DCDC1: variants seen among roughly 807,000 people sequenced by gnomAD.
The protein encoded by DCDC1 is doublecortin domain-containing protein 1.
A neutral mutation model predicts 178.3 loss-of-function variants in DCDC1; 200 were observed. That is an observed-to-expected ratio of 1.12 (90% CI 1.00 to 1.26). The LOEUF (loss-of-function observed/expected upper bound fraction) is 1.26. Ranked by LOEUF, DCDC1 falls within the 50% of genes most tolerant of loss-of-function variation. The pLI, the probability that DCDC1 is intolerant of heterozygous loss-of-function variation, is 0.00. For synonymous variants in DCDC1, 690 were observed against 604.8 expected (o/e 1.14, Z -2.07); for missense variants, 1,983 against 1,749.2 (o/e 1.13, Z -2.38).
At chr11:31,018,212 A>C (rs1002843322) in intron 20 of DCDC1, among the ~76,000 whole-genome samples, 1 of 152,222 alleles carries the variant, frequency 6.6e-6, no homozygotes, top group African/African-American at 2.4e-5. Flanking sequence ...ACAAATGTTT[A>C]ATGGCGTTTA....
chr11:30,884,823 C>T (rs1462542265), intron 36 of DCDC1, among the ~76,000 whole-genome samples: 2 of 151,878 alleles, frequency 1.3e-5, no homozygotes, highest in African/African-American at 4.8e-5. Context: ...AAGAATACCA[C>T]AGCCTAGTTG....
chr11:31,013,701 T>A (rs1390724557), intron 20 of DCDC1, among the ~76,000 whole-genome samples: 2 of 152,156 alleles, frequency 1.3e-5, no homozygotes, highest in Non-Finnish European at 2.9e-5. Context: ...CATAATAGAA[T>A]ATTTATTTAG....
intron 2 of DCDC1, among the ~76,000 whole-genome samples, chr11:31,334,887 A>C (rs1349886356): frequency 1.3e-5 from 2 of 152,110 alleles, no homozygotes; most frequent in Admixed American, 1.3e-4. Flanking sequence ...CAGTCTGTCC[A>C]TTCTCTGAGC....
chr11:30,922,598 A>T lies in DCDC1; in HGVS notation c.3038T>A (p.Leu1013Gln), dbSNP rs1946320473. 2 of 1,577,416 alleles carry T rather than the reference A, an allele frequency of 1.3e-6. No individual in the cohort carries two copies. Among genetic ancestry groups the T allele is most frequent in the South Asian group, 2.4e-5 (2 of 83,834 alleles). The part of the protein sequence containing the change: ...SCGELWINPD[L>Q]SIAQQKKQIF... Reference sequence around the variant, plus strand: ...TTGTTTCTTTTGCTGAGCAATGGACAGGTCAGGATTGATCCAGAGTTCTCC... The same window carrying T: ...TTGTTTCTTTTGCTGAGCAATGGACTGGTCAGGATTGATCCAGAGTTCTCC... The change falls in exon 24 of 39, where the codon CTG (leucine) becomes CAG (glutamine). Residue 1013 changes from leucine to glutamine, a missense_variant. Leu to Gln is a moderately radical substitution (Grantham distance 113). Coordinates refer to ENST00000684477, the MANE Select transcript of DCDC1 (RefSeq NM_001387274.1).
chr11:30,921,106 A>G (rs1471785232), intron 24 of DCDC1, among the ~76,000 whole-genome samples, 171 bp from the exon 25 acceptor site: 1 of 152,156 alleles, frequency 6.6e-6, no homozygotes. Context: ...TAGATTCTTT[A>G]CTCTCAAGAT....
intron 20 of DCDC1, among the ~76,000 whole-genome samples, chr11:31,044,687 G>A (rs1954711928): frequency 6.6e-6 from 1 of 152,120 alleles, no homozygotes; most frequent in Non-Finnish European, 1.5e-5. Context: ...TGGAAGCTGA[G>A]TCTTCCCCAG....
At chr11:30,952,337 C>A in intron 21 of DCDC1, 108 bp downstream of exon 21, 2 of 1,001,240 alleles carry the variant, frequency 2.0e-6, no homozygotes, top group African/African-American at 3.2e-5. Flanking sequence ...ATATCTTGCA[C>A]CTAACAGCTG....
chr11:31,289,098 A>G (rs1162828174), intron 7 of DCDC1, among the ~76,000 whole-genome samples: 1 of 152,028 alleles, frequency 6.6e-6, no homozygotes, highest in African/African-American at 2.4e-5. Context: ...TTTTAAATAA[A>G]TTCCTTTCTA....
intron 9 of DCDC1, among the ~76,000 whole-genome samples, chr11:31,197,168 A>G (rs558134955): frequency 1.3e-5 from 2 of 152,100 alleles, no homozygotes; most frequent in Non-Finnish European, 2.9e-5. Context: ...AAACTATCTT[A>G]GTGATGTCTA....
intron 16 of DCDC1, among the ~76,000 whole-genome samples, 160 bp downstream of exon 16, chr11:31,093,890 G>T (rs996644182): frequency 6.6e-6 from 1 of 152,206 alleles, no homozygotes; most frequent in African/African-American, 2.4e-5. Flanking sequence ...AGTCCCGTGG[G>T]CTAGGCAATA....
intron 1 of DCDC1, among the ~76,000 whole-genome samples, chr11:31,347,463 C>G (rs1950872627): frequency 1.3e-5 from 2 of 152,160 alleles, no homozygotes; most frequent in South Asian, 4.2e-4. Flanking sequence ...ATGGTAGCCA[C>G]CAAGTACATT....
intron 28 of DCDC1, among the ~76,000 whole-genome samples, chr11:30,910,273 T>C (rs1477242349): frequency 6.6e-6 from 1 of 152,196 alleles, no homozygotes; most frequent in Non-Finnish European, 1.5e-5. Context: ...ACCATCCATA[T>C]CTATAATTTT....
intron 1 of DCDC1, among the ~76,000 whole-genome samples, chr11:31,336,918 G>T (rs1013977129): frequency 6.6e-6 from 1 of 152,124 alleles, no homozygotes; most frequent in African/African-American, 2.4e-5. Flanking sequence ...CTTTAACTTT[G>T]ATGAGATGCT....
intron 1 of DCDC1, among the ~76,000 whole-genome samples, chr11:31,352,494 G>A (rs772556165): frequency 3.3e-5 from 5 of 152,200 alleles, no homozygotes; most frequent in Middle Eastern, 3.4e-3. Flanking sequence ...AAGAGCTTTC[G>A]ACTATTGTAT....
At chr11:31,336,849 T>G (rs1246266154) in intron 1 of DCDC1, among the ~76,000 whole-genome samples, 1 of 152,220 alleles carries the variant, frequency 6.6e-6, no homozygotes, top group Non-Finnish European at 1.5e-5. Flanking sequence ...AGTGTACCCT[T>G]CTTTTTCCTT....
At chr11:30,962,413 C>T (rs1365598422) in intron 20 of DCDC1, among the ~76,000 whole-genome samples, 3 of 151,932 alleles carry the variant, frequency 2.0e-5, no homozygotes, top group African/African-American at 7.2e-5. Flanking sequence ...AAGGAGAATG[C>T]TATGCTATGA....
chr11:31,090,508 T>G (rs1047162765), intron 17 of DCDC1, among the ~76,000 whole-genome samples: 1 of 152,190 alleles, frequency 6.6e-6, no homozygotes, highest in Non-Finnish European at 1.5e-5. Context: ...AGGATAAAAT[T>G]TGACAATGAG....
intron 3 of DCDC1, among the ~76,000 whole-genome samples, chr11:31,323,474 T>C (rs1949480225): frequency 6.6e-6 from 1 of 152,222 alleles, no homozygotes; most frequent in South Asian, 2.1e-4. Context: ...TAGCCCTTCA[T>C]TATTTGGTAG....
intron 21 of DCDC1, among the ~76,000 whole-genome samples, chr11:30,938,704 G>A (rs759898784): frequency 6.6e-5 from 10 of 152,154 alleles, no homozygotes; most frequent in African/African-American, 1.4e-4. Context: ...CCAAAAGACC[G>A]AAGGCATACT....
Sources: gnomAD v4.1 joint callset for allele counts (sites outside exome capture counted in the v4.1 genomes callset) on GRCh38, gnomAD v4.1.1 for gene constraint, MANE v1.5 for transcripts, NCBI Gene and HGNC (gene_info 2026-07-23, HGNC 2026-07-21) for gene names.